GREM2: variants seen among roughly 807,000 people sequenced by gnomAD.
GREM2 encodes the protein gremlin-2.
A neutral mutation model predicts 14.2 loss-of-function variants in GREM2; 11 were observed. The observed-to-expected ratio is 0.78, with a 90% CI of 0.49 to 1.28. The LOEUF (loss-of-function observed/expected upper bound fraction) is 1.28. Ranked by LOEUF, GREM2 falls within the 50% of genes most tolerant of loss-of-function variation. The probability of loss-of-function intolerance (pLI) is 0.00; values close to 1 mark genes in which losing one functional copy is unlikely to be tolerated. For synonymous variants in GREM2, 98 were observed against 97.6 expected (o/e 1.00, Z -0.02); for missense variants, 210 against 218.5 (o/e 0.96, Z 0.24).
chr1:240,587,904 T>G (rs1437399976), intron 1 of GREM2, among the ~76,000 whole-genome samples: 2 of 152,190 alleles, frequency 1.3e-5, no homozygotes, highest in Non-Finnish European at 1.5e-5. Flanking sequence ...TTCTGAACTC[T>G]GCCCTATTCC....
At position 240,586,480 on chromosome 1, in the gene GREM2, G is replaced by A. The variant is rs552623886; in HGVS notation, c.-2+25404C>T. 2.0e-5 allele frequency among the ~76,000 whole-genome samples: 3 copies of A among 152,176 alleles called. No homozygotes were observed. In the South Asian group the frequency reaches 6.2e-4, roughly 32 times the overall value. On this transcript the variant is annotated intron_variant, in intron 1 of 1. Transcript: ENST00000318160. ...TGTTCCTGCTGCTTCTGTGCTTAGT[G>A]AATACTCCAAGTGCAGAAGCTTGTC...
In GREM2 at chr1:240,590,532, C is replaced by T. The variant is rs180729748; in HGVS notation, c.-2+21352G>A. On this transcript the variant is annotated intron_variant, in intron 1 of 1. Transcript: ENST00000318160. ...GCAACCTCTGCCTCCTGGGTTCAAGCGATTCTCCTGCCTCAGCCTTCTGAG... is the reference window on the plus strand; with the variant it reads ...GCAACCTCTGCCTCCTGGGTTCAAGTGATTCTCCTGCCTCAGCCTTCTGAG... Among the ~76,000 whole-genome samples the T allele has an allele frequency of 5.6e-3, 835 of 149,236 alleles. 5 individuals carry two copies. Among genetic ancestry groups the T allele is most frequent in the Middle Eastern group, 0.026 (7 of 272 alleles).
At chr1:240,532,670 TA>T (rs1678390893) in intron 1 of GREM2, among the ~76,000 whole-genome samples, 3 of 144,054 alleles carry the variant, frequency 2.1e-5, no homozygotes, top group Non-Finnish European at 4.4e-5. Flanking sequence ...GATAGATAGA[TA>T]GATAGATAGA....
In GREM2 at chr1:240,540,218, G is replaced by A. The variant is rs1405902243; in HGVS notation, c.-1-46742C>T. ...ACCACAGGAGCCTGAGTGAGGGTCC[G>A]TAATGACAGAGCCTCCTACACAGCA... On this transcript the variant is annotated intron_variant, in intron 1 of 1. Coordinates refer to ENST00000318160, the MANE Select transcript of GREM2 (RefSeq NM_022469.4). The surrounding 1 kb of genome is among the most constrained non-coding windows in gnomAD (Gnocchi z 4.2). 2.0e-5 allele frequency among the ~76,000 whole-genome samples: 3 copies of A among 152,192 alleles called. No homozygotes were observed. Among genetic ancestry groups the A allele is most frequent in the African/African-American group, 4.8e-5 (2 of 41,446 alleles).
chr1:240,522,661 A>G (rs892072126), intron 1 of GREM2, among the ~76,000 whole-genome samples: 5 of 152,196 alleles, frequency 3.3e-5, no homozygotes, highest in African/African-American at 1.2e-4. Context: ...TTAGTAATTT[A>G]GGTGACAATT....
At chr1:240,506,377 G>A (rs1677676697) in intron 1 of GREM2, among the ~76,000 whole-genome samples, 1 of 152,136 alleles carries the variant, frequency 6.6e-6, no homozygotes, top group African/African-American at 2.4e-5. Context: ...CTCATATTAA[G>A]TAATTTAATT....
intron 1 of GREM2, among the ~76,000 whole-genome samples, chr1:240,515,585 G>A (rs1232162405): frequency 6.6e-6 from 1 of 152,098 alleles, no homozygotes; most frequent in Non-Finnish European, 1.5e-5. Flanking sequence ...GATTACATGA[G>A]GTTGGAATTT....
At chr1:240,579,179 T>C (rs992570199) in intron 1 of GREM2, among the ~76,000 whole-genome samples, 2 of 152,164 alleles carry the variant, frequency 1.3e-5, no homozygotes, top group African/African-American at 4.8e-5. Context: ...CCACTGTCTG[T>C]GGGGAAGCTG....
At chr1:240,581,449 T>A (rs868620483) in intron 1 of GREM2, among the ~76,000 whole-genome samples, 3 of 152,152 alleles carry the variant, frequency 2.0e-5, no homozygotes, top group Non-Finnish European at 4.4e-5. Flanking sequence ...TAAACGCTCA[T>A]AGATTGTAGC....
At position 240,574,002 on chromosome 1, in the gene GREM2, C is replaced by G. The variant is rs1368546837; in HGVS notation, c.-2+37882G>C. ...TGGCTTGATCTTGGCTCACAGCAAC[C>G]TCTGCCTCCCAGGTTCAGGTGATTC... On this transcript the variant is annotated intron_variant, in intron 1 of 1. Coordinates refer to ENST00000318160, the MANE Select transcript of GREM2 (RefSeq NM_022469.4). Among the ~76,000 whole-genome samples, 4 of 152,176 alleles carry G rather than the reference C, an allele frequency of 2.6e-5. No homozygotes were observed. The East Asian group carries it at 7.7e-4, about 29-fold the overall frequency.
At chr1:240,607,506 T>G (rs1680051134) in intron 1 of GREM2, among the ~76,000 whole-genome samples, 1 of 152,216 alleles carries the variant, frequency 6.6e-6, no homozygotes, top group Non-Finnish European at 1.5e-5. Flanking sequence ...GTTGAAGTCT[T>G]AAATACGTAT....
In GREM2 at chr1:240,547,175, G is replaced by C. The variant is rs76162650; in HGVS notation, c.-1-53699C>G. Among the ~76,000 whole-genome samples the C allele has an allele frequency of 2.5e-3, 386 of 152,164 alleles. 3 individuals carry two copies. Among genetic ancestry groups the C allele is most frequent in the African/African-American group, 8.5e-3 (354 of 41,518 alleles). ...GCACATAGCCCAGTTACAAAAGAAG[G>C]AGTAGATGGGAGAAGAGTCTTTTGA... On this transcript the variant is annotated intron_variant, in intron 1 of 1. Coordinates refer to ENST00000318160, the MANE Select transcript of GREM2 (RefSeq NM_022469.4).
chr1:240,532,496 A>T (rs924064461), intron 1 of GREM2, among the ~76,000 whole-genome samples: 1 of 152,198 alleles, frequency 6.6e-6, no homozygotes, highest in African/African-American at 2.4e-5. Flanking sequence ...TCACTCTTGC[A>T]ATCATTTCTA....
intron 1 of GREM2, among the ~76,000 whole-genome samples, chr1:240,510,170 C>T (rs1677778294): frequency 6.6e-6 from 1 of 151,810 alleles, no homozygotes; most frequent in Admixed American, 6.6e-5. Context: ...GAGATTGGGA[C>T]CATCCTGGCT....
intron 1 of GREM2, among the ~76,000 whole-genome samples, chr1:240,532,976 C>T (rs936520226): frequency 4.9e-4 from 74 of 152,248 alleles, no homozygotes; most frequent in African/African-American, 1.7e-3. Context: ...TCATTCAACC[C>T]GTAACAAGCA....
intron 1 of GREM2, among the ~76,000 whole-genome samples, chr1:240,602,932 G>A (rs1477189177): frequency 6.6e-6 from 1 of 152,082 alleles, no homozygotes; most frequent in African/African-American, 2.4e-5. Flanking sequence ...TACTAGCCGG[G>A]TGTGGTGGCG....
At chr1:240,510,309 G>A (rs1677790330) in intron 1 of GREM2, among the ~76,000 whole-genome samples, 1 of 131,452 alleles carries the variant, frequency 7.6e-6, no homozygotes, top group South Asian at 2.5e-4. Context: ...GGCGGAGCTT[G>A]CACTGAGCAG....
intron 1 of GREM2, among the ~76,000 whole-genome samples, chr1:240,494,965 A>G (rs1452690289): frequency 5.3e-5 from 8 of 152,238 alleles, no homozygotes; most frequent in African/African-American, 1.9e-4. Flanking sequence ...TCTGATGACA[A>G]TGCAAAGTGT....
At chr1:240,553,196 C>T (rs1221570584) in intron 1 of GREM2, among the ~76,000 whole-genome samples, 1 of 152,116 alleles carries the variant, frequency 6.6e-6, no homozygotes, top group Non-Finnish European at 1.5e-5. Context: ...GCAAAGTCAA[C>T]GGGTTTTATC....
Sources: allele counts gnomAD v4.1 joint callset (sites outside exome capture counted in the v4.1 genomes callset), GRCh38; gene constraint gnomAD v4.1.1; non-coding constraint Gnocchi (gnomAD v3.1); transcripts MANE v1.5; gene names NCBI Gene and HGNC (gene_info 2026-07-23, HGNC 2026-07-21).